The following PTPRG variants were observed in gnomAD, a reference collection of about 807,000 sequenced individuals.
PTPRG encodes the protein receptor-type tyrosine-protein phosphatase gamma.
Under a neutral mutation model 165.3 loss-of-function variants are expected in PTPRG, and 102 were observed. The ratio of observed to expected loss-of-function variants is 0.62; its 90% CI spans 0.53 to 0.73. The LOEUF is 0.73. Among genes scored for constraint, PTPRG ranks in the 30% least tolerant of loss-of-function variants. The probability of loss-of-function intolerance (pLI) is 0.00; values close to 1 mark genes in which losing one functional copy is unlikely to be tolerated. For missense variants in PTPRG, 1,866 were observed against 1,861.4 expected (o/e 1.00, Z -0.05); for synonymous variants, 675 against 669.5 (o/e 1.01, Z -0.13).
intron 9 of PTPRG, among the ~76,000 whole-genome samples, chr3:62,194,734 C>T (rs1248090399): frequency 1.3e-5 from 2 of 151,768 alleles, no homozygotes; most frequent in African/African-American, 2.4e-5. Flanking sequence ...ACCTGGGAGA[C>T]GGAAGTTGCA....
intron 1 of PTPRG, among the ~76,000 whole-genome samples, chr3:61,690,578 T>G (rs112266037): frequency 0.015 from 2,345 of 152,286 alleles, 66 homozygotes; most frequent in African/African-American, 0.05. Context: ...AAACACTCAT[T>G]GTGTTTTTGC....
chr3:61,962,647 A>T (rs2040180845), intron 2 of PTPRG, among the ~76,000 whole-genome samples: 1 of 152,226 alleles, frequency 6.6e-6, no homozygotes, highest in Non-Finnish European at 1.5e-5. Context: ...GTAATCAATA[A>T]GCTATATATT....
chr3:62,020,664 C>G (rs905651885), intron 4 of PTPRG, among the ~76,000 whole-genome samples: 1 of 152,020 alleles, frequency 6.6e-6, no homozygotes, highest in Admixed American at 6.6e-5. Context: ...AGCACCCAGG[C>G]CAGCAGCAAG....
At chr3:61,843,452 T>C (rs2036710720) in intron 2 of PTPRG, among the ~76,000 whole-genome samples, 1 of 152,150 alleles carries the variant, frequency 6.6e-6, no homozygotes, top group Non-Finnish European at 1.5e-5. Context: ...CAATGTAAGA[T>C]AGTATCTATC....
chr3:62,218,426 C>T (rs1700567021), intron 12 of PTPRG, among the ~76,000 whole-genome samples: 1 of 152,170 alleles, frequency 6.6e-6, no homozygotes, highest in East Asian at 1.9e-4. Flanking sequence ...CCCATCATGC[C>T]AGCCCTCTTG....
At chr3:61,668,997 C>T (rs1702889390) in intron 1 of PTPRG, among the ~76,000 whole-genome samples, 1 of 152,134 alleles carries the variant, frequency 6.6e-6, no homozygotes, top group African/African-American at 2.4e-5. Flanking sequence ...TTACACTGAA[C>T]TTTAGATAAT....
At chr3:62,182,627 G>A (rs960905256) in intron 8 of PTPRG, among the ~76,000 whole-genome samples, 3 of 152,196 alleles carry the variant, frequency 2.0e-5, no homozygotes, top group Non-Finnish European at 4.4e-5. Flanking sequence ...ACATATGGCC[G>A]GTGCCGAATA....
Position 61,900,650 on chromosome 3 carries a change from C to T in PTPRG, c.191-88975C>T, listed in dbSNP as rs367742220. Among the ~76,000 whole-genome samples, 17 of 152,270 alleles carry T rather than the reference C, an allele frequency of 1.1e-4. No individual in the cohort carries two copies. In the East Asian group the frequency reaches 1.5e-3, roughly 14 times the overall value. ...GGAGGCCCATTAATGCCCAGGTCCACGGATTGTAAGCTTATTTTCCACCTC... is the reference window on the plus strand; with the variant it reads ...GGAGGCCCATTAATGCCCAGGTCCATGGATTGTAAGCTTATTTTCCACCTC... On this transcript the variant is annotated intron_variant, in intron 2 of 29. Coordinates refer to ENST00000474889, the MANE Select transcript of PTPRG (RefSeq NM_002841.4).
At chr3:61,887,069 T>G (rs1435983797) in intron 2 of PTPRG, among the ~76,000 whole-genome samples, 2 of 137,848 alleles carry the variant, frequency 1.5e-5, no homozygotes, top group East Asian at 2.1e-4. Context: ...TTCTGATTGT[T>G]TTCCACTTAA....
At chr3:61,964,694 A>G (rs959629136) in intron 2 of PTPRG, among the ~76,000 whole-genome samples, 10 of 152,056 alleles carry the variant, frequency 6.6e-5, no homozygotes, top group Admixed American at 5.2e-4. Flanking sequence ...ACTCTTTATT[A>G]TAGTTCCTTT....
At chr3:61,706,261 A>G (rs145923458) in intron 1 of PTPRG, among the ~76,000 whole-genome samples, 187 of 152,308 alleles carry the variant, frequency 1.2e-3, no homozygotes, top group Middle Eastern at 3.4e-3. Flanking sequence ...GAGCCGTCCC[A>G]TTGAGTAAGT....
intron 1 of PTPRG, among the ~76,000 whole-genome samples, chr3:61,621,842 A>G (rs889987631): frequency 1.3e-5 from 2 of 152,188 alleles, no homozygotes; most frequent in South Asian, 2.1e-4. Context: ...CTTATTTGTG[A>G]AGTGGAGATC....
At chr3:61,706,493 T>A (rs1460047657) in intron 1 of PTPRG, among the ~76,000 whole-genome samples, 8 of 111,824 alleles carry the variant, frequency 7.2e-5, no homozygotes, top group Non-Finnish European at 2.1e-5. Context: ...TGCAAGTAAT[T>A]TTTTTTTTTT....
At chr3:61,778,926 T>C (rs1489883226) in intron 2 of PTPRG, among the ~76,000 whole-genome samples, 1 of 151,618 alleles carries the variant, frequency 6.6e-6, no homozygotes, top group Non-Finnish European at 1.5e-5. Flanking sequence ...GAGAGAGGAA[T>C]AGTGTGACAA....
intron 2 of PTPRG, among the ~76,000 whole-genome samples, chr3:61,799,544 A>T (rs1246935024): frequency 1.3e-5 from 2 of 152,180 alleles, no homozygotes; most frequent in Non-Finnish European, 2.9e-5. Context: ...CACATATTTC[A>T]TAGAATGTCC....
chr3:61,811,255 G>A (rs1330802426), intron 2 of PTPRG, among the ~76,000 whole-genome samples: 2 of 152,106 alleles, frequency 1.3e-5, no homozygotes, highest in Admixed American at 6.5e-5. Flanking sequence ...GTTCTGCTAG[G>A]TACCATGAGA....
chr3:62,203,593 G>T lies in PTPRG; in HGVS notation c.1798G>T (p.Glu600Ter). 1 of 1,552,730 alleles carries T rather than the reference G, an allele frequency of 6.4e-7. No individual in the cohort carries two copies. Among genetic ancestry groups the T allele is most frequent in the South Asian group, 1.2e-5 (1 of 84,164 alleles). Residue 600 changes from glutamate (E) to a stop codon, truncating the protein, a stop_gained, in exon 12 of 30, where the codon GAG (glutamate) becomes TAG (stop). Coordinates refer to ENST00000474889, the MANE Select transcript of PTPRG (RefSeq NM_002841.4). LOFTEE classifies it high-confidence loss of function. The surrounding 1 kb of genome is among the most constrained non-coding windows in gnomAD (Gnocchi z 6.4). ...GGAGCGGGAGCACGAGGAGGATGGA[G>T]AGAAGGACTCCGAAAAGAAGGAGAA... is the stretch of plus-strand genomic sequence containing the variant. ...DGEREHEEDG[E>*]KDSEKKEKSG...
intron 15 of PTPRG, among the ~76,000 whole-genome samples, chr3:62,249,465 C>G (rs1701361598): frequency 6.6e-6 from 1 of 152,062 alleles, no homozygotes; most frequent in Non-Finnish European, 1.5e-5. Context: ...TGCTAGGGCT[C>G]TGTTTTTCTC....
chr3:61,730,945 G>T (rs1320754900), intron 1 of PTPRG, among the ~76,000 whole-genome samples: 1 of 152,168 alleles, frequency 6.6e-6, no homozygotes, highest in East Asian at 1.9e-4. Context: ...AAATAGTAAT[G>T]ACTATAATGA....
Sources: allele counts gnomAD v4.1 joint callset (sites outside exome capture counted in the v4.1 genomes callset), GRCh38; gene constraint gnomAD v4.1.1; non-coding constraint Gnocchi (gnomAD v3.1); transcripts MANE v1.5; gene names NCBI Gene and HGNC (gene_info 2026-07-23, HGNC 2026-07-21).